SENP2: variants seen among roughly 807,000 people sequenced by gnomAD.
The protein encoded by SENP2 is SUMO specific peptidase 2, also known as sentrin-specific protease 2.
In SENP2, 16 loss-of-function variants were observed where a neutral mutation model predicts 86.3. The observed-to-expected ratio is 0.19, with a 90% CI of 0.13 to 0.28. SENP2 has a LOEUF of 0.28. Ranked by LOEUF, SENP2 falls within the 10% of genes least tolerant of loss-of-function variation. SENP2 has a pLI of 1.00. For synonymous variants in SENP2, 222 were observed against 238.7 expected, an observed-to-expected ratio of 0.93 and a Z score of 0.64; for missense variants, 552 against 703.0, an observed-to-expected ratio of 0.79 and a Z score of 2.43.
At chr3:185,589,808 CT>C (rs1448503351) in intron 1 of SENP2, among the ~76,000 whole-genome samples, 65 of 152,168 alleles carry the variant, frequency 4.3e-4, no homozygotes, top group Non-Finnish European at 7.9e-4. Flanking sequence ...ACCACACTCA[CT>C]TACCACCAAG....
intron 11 of SENP2, 80 bp from the exon 12 acceptor site, chr3:185,617,398 CTT>C: frequency 7.9e-7 from 1 of 1,270,308 alleles, no homozygotes; most frequent in Non-Finnish European, 1.1e-6. Flanking sequence ...AGATGAAAAA[CTT>C]TTTTCAGTCT....
intron 1 of SENP2, among the ~76,000 whole-genome samples, chr3:185,587,188 A>G (rs1721812963): frequency 6.6e-6 from 1 of 152,074 alleles, no homozygotes; most frequent in Non-Finnish European, 1.5e-5. Context: ...GCTGGAGTGC[A>G]GTGGTGCGAT....
rs1712559387 is a variant in SENP2, at chr3:185,632,970, G to C, written c.*3126G>C. 1 of 152,212 alleles carries C rather than the reference G, an allele frequency of 6.6e-6. No homozygotes were observed. The highest frequency in any genetic ancestry group is 6.5e-5 in the Admixed American group (1 of 15,276). The allele number at this position is 152,212 out of a possible 1,614,324, so 9.4% of individuals were successfully genotyped here. On this transcript the variant is annotated 3_prime_UTR_variant, in exon 17 of 17. Coordinates refer to ENST00000296257, the MANE Select transcript of SENP2 (RefSeq NM_021627.3). ...ACGTATCTTTCTCAAACTTGACCTT[G>C]AACAGAGCTGGATGGGGGTGGGAGG...
intron 2 of SENP2, among the ~76,000 whole-genome samples, chr3:185,591,943 C>T (rs1722012356): frequency 6.9e-6 from 1 of 144,928 alleles, no homozygotes; most frequent in African/African-American, 2.5e-5. Flanking sequence ...GCCACATTGT[C>T]CAGGCTGAAA....
chr3:185,617,631 C>A lies in SENP2; in HGVS notation c.1242+20C>A, dbSNP rs368497606. 3 of 1,606,172 alleles carry A rather than the reference C, an allele frequency of 1.9e-6. No individual in the cohort carries two copies. The highest frequency in any genetic ancestry group is 1.3e-5 in the African/African-American group (1 of 74,698). ...GATGAAGTAAGTTGTATTCCCTCCC[C>A]CTTTTGGCTATCATTAAGTTTATTT... On this transcript the variant is annotated intron_variant, in intron 12 of 16. Transcript: ENST00000296257.
At chr3:185,628,587 A>T (rs530825358) in intron 16 of SENP2, among the ~76,000 whole-genome samples, 1 of 151,822 alleles carries the variant, frequency 6.6e-6, no homozygotes. Context: ...GCTCACTGCA[A>T]CCTCCGCCTC....
At chr3:185,587,738 T>G (rs1721839839) in intron 1 of SENP2, among the ~76,000 whole-genome samples, 1 of 135,338 alleles carries the variant, frequency 7.4e-6, no homozygotes, top group Non-Finnish European at 1.6e-5. Context: ...GGCTATTTTT[T>G]TTTTTTTTTT....
intron 12 of SENP2, 59 bp downstream of exon 12, chr3:185,617,670 A>T: frequency 6.7e-7 from 1 of 1,494,902 alleles, no homozygotes; most frequent in Non-Finnish European, 9.2e-7. Context: ...TATTATCTAT[A>T]ATCAAAGTGA....
chr3:185,617,283 T>A (rs1711654942), intron 11 of SENP2, among the ~76,000 whole-genome samples, 197 bp from the exon 12 acceptor site: 1 of 152,178 alleles, frequency 6.6e-6, no homozygotes, highest in Non-Finnish European at 1.5e-5. Flanking sequence ...TTGGGCAATA[T>A]AATGAGGCCC....
intron 14 of SENP2, among the ~76,000 whole-genome samples, chr3:185,623,387 G>A (rs1410419558): frequency 2.6e-5 from 4 of 151,586 alleles, no homozygotes; most frequent in Non-Finnish European, 5.9e-5. Context: ...TGATCCATCC[G>A]CCTTGGCCTC....
chr3:185,603,495 G>C (rs1468794243), intron 5 of SENP2, among the ~76,000 whole-genome samples: 1 of 152,180 alleles, frequency 6.6e-6, no homozygotes, highest in African/African-American at 2.4e-5. Flanking sequence ...AATTGTTTCA[G>C]ACTGAAGGAG....
Position 185,630,946 on chromosome 3 carries a change from G to T in SENP2, c.*1102G>T, listed in dbSNP as rs1272945038. 2 of 152,184 alleles carry T rather than the reference G, an allele frequency of 1.3e-5. No individual in the cohort carries two copies. The highest frequency in any genetic ancestry group is 1.3e-4 in the Admixed American group (2 of 15,266). The allele number at this position is 152,184 out of a possible 1,614,324, so 9.4% of individuals were successfully genotyped here. A position where few individuals can be genotyped will look rare whatever the true frequency, so the allele number is the denominator to read the frequency against. ...TTATACAATAATCTATTTTGCATAT[G>T]AAAGTTTGTATTTAACTTTTTTGTT... On this transcript the variant is annotated 3_prime_UTR_variant, in exon 17 of 17. Transcript: ENST00000296257.
intron 2 of SENP2, among the ~76,000 whole-genome samples, chr3:185,595,167 TC>T (rs1722135844): frequency 6.6e-6 from 1 of 152,166 alleles, no homozygotes; most frequent in Non-Finnish European, 1.5e-5. Flanking sequence ...TTTGACATAA[TC>T]TCAGGGGCAT....
At chr3:185,619,557 A>C in intron 13 of SENP2, 55 bp downstream of exon 13, 1 of 1,451,016 alleles carries the variant, frequency 6.9e-7, no homozygotes, top group Admixed American at 1.8e-5. Flanking sequence ...GCCATTTTTT[A>C]AAAATAATGC....
chr3:185,593,971 G>A (rs999124753), intron 2 of SENP2, among the ~76,000 whole-genome samples: 11 of 151,484 alleles, frequency 7.3e-5, no homozygotes, highest in African/African-American at 2.7e-4. Context: ...TCAAGTGATC[G>A]CCCGCCTCGG....
intron 5 of SENP2, among the ~76,000 whole-genome samples, chr3:185,602,387 G>T (rs2148985231): frequency 6.6e-6 from 1 of 152,272 alleles, no homozygotes; most frequent in South Asian, 2.1e-4. Flanking sequence ...GACAGAGGAG[G>T]AGATTTCAAA....
At chr3:185,613,318 C>CT (rs1560197199) in intron 9 of SENP2, 27 bp from the exon 10 acceptor site, 2 of 1,332,442 alleles carry the variant, frequency 1.5e-6, no homozygotes, top group Non-Finnish European at 2.1e-6. Flanking sequence ...TAGCAGAAGT[C>CT]TATCATCTCT....
In SENP2 at chr3:185,586,331, G is replaced by A; in HGVS notation, c.-83G>A. 6.3e-7 allele frequency: 1 copy of A among 1,592,944 alleles called. No homozygotes were observed. Among genetic ancestry groups the A allele is most frequent in the Non-Finnish European group, 8.5e-7 (1 of 1,170,230 alleles). On this transcript the variant is annotated 5_prime_UTR_variant, in exon 1 of 17. Coordinates refer to ENST00000296257, the MANE Select transcript of SENP2 (RefSeq NM_021627.3). This position sits in a 1 kb window ranked among gnomAD's most constrained non-coding sequence, Gnocchi z 4.3. Reference sequence around the variant, plus strand: ...ACCGAACTCTGGCGGTGGTGGTTAAGACGGCGAAGGCGGCAGCGGCGGCGA... The same window carrying A: ...ACCGAACTCTGGCGGTGGTGGTTAAAACGGCGAAGGCGGCAGCGGCGGCGA...
At chr3:185,597,520 T>C (rs1722213266) in intron 2 of SENP2, among the ~76,000 whole-genome samples, 1 of 151,702 alleles carries the variant, frequency 6.6e-6, no homozygotes, top group African/African-American at 2.4e-5. Flanking sequence ...GCCCAGCTAA[T>C]TTTTTGTATT....
Sources: gnomAD v4.1 joint callset for allele counts (sites outside exome capture counted in the v4.1 genomes callset) on GRCh38, gnomAD v4.1.1 for gene constraint, Gnocchi (gnomAD v3.1) non-coding constraint, MANE v1.5 for transcripts, NCBI Gene and HGNC (gene_info 2026-07-23, HGNC 2026-07-21) for gene names.